Variants in SYNE2 observed in about 807,000 individuals in gnomAD.
The protein encoded by SYNE2 is spectrin repeat containing nuclear envelope protein 2, also known as nesprin-2.
SYNE2 carries 431 observed loss-of-function variants against 856.3 expected under a neutral mutation model. The ratio of observed to expected loss-of-function variants is 0.50; its 90% CI spans 0.47 to 0.55. The LOEUF (loss-of-function observed/expected upper bound fraction) is 0.55. Among genes scored for constraint, SYNE2 ranks in the 20% least tolerant of loss-of-function variants. SYNE2 has a pLI of 0.00. For missense variants in SYNE2, 8,129 were observed against 8,023.2 expected, an observed-to-expected ratio of 1.01 and a Z score of -0.50; for synonymous variants, 2,923 against 2,872.3, an observed-to-expected ratio of 1.02 and a Z score of -0.56.
intron 31 of SYNE2, among the ~76,000 whole-genome samples, chr14:64,007,671 G>A (rs772971959): frequency 1.3e-5 from 2 of 152,092 alleles, no homozygotes; most frequent in African/African-American, 2.4e-5. Context: ...GAGCCTATGT[G>A]TTTGAGACCA....
At chr14:64,008,792 G>A (rs1032577458) in intron 31 of SYNE2, among the ~76,000 whole-genome samples, 9 of 152,230 alleles carry the variant, frequency 5.9e-5, no homozygotes, top group African/African-American at 9.6e-5. Flanking sequence ...TCACCATCCC[G>A]CTTTGTTTCC....
intron 1 of SYNE2, among the ~76,000 whole-genome samples, chr14:63,771,513 C>T (rs1435479712): frequency 6.6e-6 from 1 of 152,158 alleles, no homozygotes; most frequent in African/African-American, 2.4e-5. Context: ...GCACAAACAC[C>T]AACAAACATA....
Position 64,141,527 on chromosome 14 carries a change from A to G in SYNE2, c.15159+4A>G, listed in dbSNP as rs749960169. The G allele has an allele frequency of 4.3e-6, 7 of 1,613,568 alleles. No homozygotes were observed. Among genetic ancestry groups the G allele is most frequent in the Admixed American group, 1.7e-5 (1 of 60,012 alleles). On this transcript the variant is annotated splice_donor_region_variant and intron_variant, in intron 81 of 115. Coordinates refer to ENST00000555002, the MANE Select transcript of SYNE2 (RefSeq NM_182914.3). ...TATTCAAGAAAAACTTCACCAGGTA[A>G]GTCTTTAGAGCCTCAGCATTTGAAT...
At chr14:63,780,676 A>C (rs757472343) in intron 1 of SYNE2, among the ~76,000 whole-genome samples, 20 of 152,202 alleles carry the variant, frequency 1.3e-4, no homozygotes, top group Non-Finnish European at 2.6e-4. Flanking sequence ...TGACCTTCAT[A>C]ACTAAAATAT....
chr14:64,181,310 CCCTA>C (rs2098456977), intron 96 of SYNE2, among the ~76,000 whole-genome samples: 1 of 152,190 alleles, frequency 6.6e-6, no homozygotes, highest in African/African-American at 2.4e-5. Flanking sequence ...TTTTTATCAT[CCCTA>C]CCTCATTAGG....
At chr14:64,123,350 A>C (rs1233901689) in intron 70 of SYNE2, among the ~76,000 whole-genome samples, 2 of 152,214 alleles carry the variant, frequency 1.3e-5, no homozygotes, top group Non-Finnish European at 2.9e-5. Context: ...CGCACAAGGC[A>C]GGCTTCTGCC....
At chr14:63,799,010 G>A (rs1309893849) in intron 1 of SYNE2, among the ~76,000 whole-genome samples, 2 of 152,094 alleles carry the variant, frequency 1.3e-5, no homozygotes, top group Non-Finnish European at 2.9e-5. Context: ...TATAGATGCT[G>A]GAAACCTTTT....
chr14:64,006,387 T>C (rs1289046537), intron 30 of SYNE2, among the ~76,000 whole-genome samples: 2 of 152,036 alleles, frequency 1.3e-5, no homozygotes, highest in African/African-American at 2.4e-5. Context: ...CATGCTGTCT[T>C]CCCCCTACAT....
intron 45 of SYNE2, among the ~76,000 whole-genome samples, chr14:64,037,886 G>T (rs1346602111): frequency 2.0e-5 from 3 of 150,806 alleles, no homozygotes; most frequent in Admixed American, 6.6e-5. Flanking sequence ...CTGGCCGGGC[G>T]GGGGGCTGAC....
intron 83 of SYNE2, among the ~76,000 whole-genome samples, chr14:64,145,718 A>G (rs2098178938): frequency 6.6e-6 from 1 of 152,188 alleles, no homozygotes; most frequent in Admixed American, 6.5e-5. Context: ...CTAATGCAGA[A>G]AGTCTGAGGA....
chr14:64,221,940 T>C (rs1003433893), intron 112 of SYNE2, among the ~76,000 whole-genome samples: 8 of 152,132 alleles, frequency 5.3e-5, no homozygotes, highest in African/African-American at 1.4e-4. Context: ...ACTGAGGACA[T>C]AGGTGCTCTC....
Position 64,137,999 on chromosome 14 carries a change from G to T in SYNE2, c.14843+16G>T, listed in dbSNP as rs1567424568. On this transcript the variant is annotated intron_variant, in intron 79 of 115. Coordinates refer to ENST00000555002, the MANE Select transcript of SYNE2 (RefSeq NM_182914.3). ...ATCTGCTCAGGTCAGCCTTTTTGGG[G>T]GTGGATTGGCTTCATATTGTGCTGT... is the stretch of plus-strand genomic sequence containing the variant. The T allele has an allele frequency of 3.1e-6, 5 of 1,608,788 alleles. No homozygotes were observed. Among genetic ancestry groups the T allele is most frequent in the Admixed American group, 1.7e-5 (1 of 58,966 alleles).
intron 49 of SYNE2, among the ~76,000 whole-genome samples, chr14:64,057,182 C>T (rs1391518564): frequency 2.0e-5 from 3 of 151,990 alleles, no homozygotes; most frequent in Non-Finnish European, 4.4e-5. Flanking sequence ...TATTATTGAA[C>T]GTAGTCACTC....
Position 64,066,618 on chromosome 14 carries a change from C to T in SYNE2, c.10431+968C>T, listed in dbSNP as rs376117513. 2.6e-5 allele frequency among the ~76,000 whole-genome samples: 4 copies of T among 152,284 alleles called. No homozygotes were observed. In the East Asian group the frequency reaches 7.7e-4, roughly 29 times the overall value. On this transcript the variant is annotated intron_variant, in intron 51 of 115. Coordinates refer to ENST00000555002, the MANE Select transcript of SYNE2 (RefSeq NM_182914.3). ...AAAAATGAATTTTATGTCAGTGGTC[C>T]TGGTGAGGCCTGACTAGTGAATAGT...
At chr14:64,099,483 C>T (rs990272188) in intron 63 of SYNE2, 4 of 155,240 alleles carry the variant, frequency 2.6e-5, no homozygotes, top group African/African-American at 9.6e-5. Context: ...TAGAGTGTGT[C>T]GCTGGGACAT....
chr14:64,150,199 G>A (rs1405174489), intron 84 of SYNE2, among the ~76,000 whole-genome samples: 1 of 144,388 alleles, frequency 6.9e-6, no homozygotes, highest in Non-Finnish European at 1.5e-5. Context: ...GGGAGACTGA[G>A]GCAGGAAAAT....
chr14:63,886,722 A>C (rs12894053), intron 1 of SYNE2, among the ~76,000 whole-genome samples: 103,154 of 151,962 alleles, frequency 0.68, 35,101 homozygotes, highest in South Asian at 0.78. Context: ...TGTGGTGGTC[A>C]AATCTCGGCT....
intron 73 of SYNE2, 89 bp from the exon 74 acceptor site, chr14:64,128,363 G>GTCACAAAAATTATAAAAACC (rs2097971665): frequency 1.4e-6 from 1 of 730,534 alleles, no homozygotes; most frequent in Non-Finnish European, 2.4e-6. Context: ...AATTTCTAGT[G>GTCACAAAAATTATAAAAACC]TCACAAAAAT....
chr14:64,081,607 A>T, intron 57 of SYNE2, 27 bp downstream of exon 57: 1 of 1,612,512 alleles, frequency 6.2e-7, no homozygotes, highest in Non-Finnish European at 8.5e-7. Context: ...GTTTTCTGCC[A>T]CTCATAGCAT....
Sources: gnomAD v4.1 joint callset for allele counts (sites outside exome capture counted in the v4.1 genomes callset) on GRCh38, gnomAD v4.1.1 for gene constraint, MANE v1.5 for transcripts, NCBI Gene and HGNC (gene_info 2026-07-23, HGNC 2026-07-21) for gene names.